The following ZBTB7C variants were observed in gnomAD, a reference collection of about 807,000 sequenced individuals.
The protein encoded by ZBTB7C is zinc finger and BTB domain-containing protein 7C.
In ZBTB7C, 8 loss-of-function variants were observed where a neutral mutation model predicts 25.7. The observed-to-expected ratio is 0.31, with a 90% CI of 0.18 to 0.56. ZBTB7C has a LOEUF of 0.56. Ranked by LOEUF, ZBTB7C falls within the 20% of genes least tolerant of loss-of-function variation. ZBTB7C has a pLI of 0.91. For missense variants in ZBTB7C, 824 were observed against 855.2 expected, an observed-to-expected ratio of 0.96 and a Z score of 0.46; for synonymous variants, 394 against 369.0, an observed-to-expected ratio of 1.07 and a Z score of -0.78.
chr18:48,357,841 C>A (rs1020813463), intron 1 of ZBTB7C, among the ~76,000 whole-genome samples: 1 of 152,194 alleles, frequency 6.6e-6, no homozygotes, highest in African/African-American at 2.4e-5. Flanking sequence ...CCTAAACTAA[C>A]GGCACAGAGT....
intron 2 of ZBTB7C, among the ~76,000 whole-genome samples, chr18:48,218,787 C>T (rs74971322): frequency 9.6e-4 from 147 of 152,344 alleles, no homozygotes; most frequent in African/African-American, 3.4e-3. Context: ...TACCCACCTA[C>T]AGGCCTGCCC....
intron 1 of ZBTB7C, among the ~76,000 whole-genome samples, chr18:48,361,968 C>G (rs2047117674): frequency 6.6e-6 from 1 of 152,208 alleles, no homozygotes; most frequent in African/African-American, 2.4e-5. Context: ...CCAGCGTTAC[C>G]TGCCAGGGAG....
intron 3 of ZBTB7C, among the ~76,000 whole-genome samples, chr18:48,088,636 T>G (rs1379153252): frequency 6.7e-6 from 1 of 149,660 alleles, no homozygotes; most frequent in Admixed American, 6.7e-5. Flanking sequence ...AAGACCAGCC[T>G]GGCCAACATG....
chr18:48,195,561 T>C (rs1329001560), intron 2 of ZBTB7C, among the ~76,000 whole-genome samples: 1 of 152,212 alleles, frequency 6.6e-6, no homozygotes, highest in Non-Finnish European at 1.5e-5. Context: ...TCTTTTTCTT[T>C]ATAAAATTAT....
At chr18:48,390,870 G>T (rs541452072) in intron 1 of ZBTB7C, among the ~76,000 whole-genome samples, 2 of 152,288 alleles carry the variant, frequency 1.3e-5, no homozygotes, top group South Asian at 4.1e-4. Context: ...CTGCCTGAGG[G>T]CTTTGCAATT....
chr18:48,098,114 T>G (rs1021256857), intron 3 of ZBTB7C, among the ~76,000 whole-genome samples: 2 of 152,252 alleles, frequency 1.3e-5, no homozygotes, highest in African/African-American at 2.4e-5. Flanking sequence ...ACATTTGTGA[T>G]GGGTGAGAGT....
chr18:48,200,840 C>T (rs540829736), intron 2 of ZBTB7C, among the ~76,000 whole-genome samples: 2 of 152,340 alleles, frequency 1.3e-5, no homozygotes, highest in African/African-American at 4.8e-5. Context: ...TATGGGGAAG[C>T]TGACACTTGG....
chr18:48,298,957 T>C (rs1275411254), intron 2 of ZBTB7C, among the ~76,000 whole-genome samples: 1 of 152,234 alleles, frequency 6.6e-6, no homozygotes, highest in Admixed American at 6.5e-5. Context: ...AGTGGTCAGC[T>C]GCACAGAAGC....
intron 3 of ZBTB7C, among the ~76,000 whole-genome samples, chr18:48,175,852 A>G (rs1212208430): frequency 6.6e-6 from 1 of 152,240 alleles, no homozygotes; most frequent in Non-Finnish European, 1.5e-5. Context: ...TGCAGATAAT[A>G]AATAAAAACA....
chr18:48,227,569 T>C (rs2043137530), intron 2 of ZBTB7C, among the ~76,000 whole-genome samples: 1 of 152,206 alleles, frequency 6.6e-6, no homozygotes, highest in Non-Finnish European at 1.5e-5. Flanking sequence ...ACCCCAAAAG[T>C]GTCAACGATT....
chr18:48,171,333 C>T (rs952077058), intron 3 of ZBTB7C, among the ~76,000 whole-genome samples: 1 of 152,252 alleles, frequency 6.6e-6, no homozygotes, highest in African/African-American at 2.4e-5. Context: ...AATGGGCATG[C>T]CACACTGGGC....
At chr18:48,139,253 A>C (rs1293778260) in intron 3 of ZBTB7C, among the ~76,000 whole-genome samples, 1 of 152,098 alleles carries the variant, frequency 6.6e-6, no homozygotes, top group Non-Finnish European at 1.5e-5. Context: ...AGTAGTTAAG[A>C]AAACAGGAGG....
intron 3 of ZBTB7C, among the ~76,000 whole-genome samples, chr18:48,152,438 G>T (rs867209601): frequency 3.3e-5 from 5 of 152,146 alleles, no homozygotes; most frequent in Non-Finnish European, 1.5e-5. Context: ...ATAATCATAG[G>T]TGGCATTTCT....
intron 2 of ZBTB7C, among the ~76,000 whole-genome samples, chr18:48,279,164 C>A (rs753716598): frequency 6.6e-6 from 1 of 152,110 alleles, no homozygotes; most frequent in African/African-American, 2.4e-5. Context: ...GGCACCCCCA[C>A]TCCTCAGAAC....
chr18:48,199,961 C>T (rs1262002299), intron 2 of ZBTB7C, among the ~76,000 whole-genome samples: 1 of 151,392 alleles, frequency 6.6e-6, no homozygotes, highest in African/African-American at 2.4e-5. Context: ...TAGCACTTCT[C>T]TACTTCGGGT....
At chr18:48,098,422 C>A (rs183958396) in intron 3 of ZBTB7C, among the ~76,000 whole-genome samples, 10 of 152,234 alleles carry the variant, frequency 6.6e-5, no homozygotes, top group Non-Finnish European at 1.3e-4. Context: ...AAAAGTTGGC[C>A]GTGGCTAGAG....
intron 3 of ZBTB7C, among the ~76,000 whole-genome samples, chr18:48,110,964 T>C (rs2039218030): frequency 6.6e-6 from 1 of 152,148 alleles, no homozygotes; most frequent in Non-Finnish European, 1.5e-5. Flanking sequence ...GAGTAGGTCA[T>C]GTGGAAGTTC....
intron 2 of ZBTB7C, among the ~76,000 whole-genome samples, chr18:48,331,301 G>A (rs983979766): frequency 2.6e-5 from 4 of 152,020 alleles, no homozygotes; most frequent in Admixed American, 1.3e-4. Context: ...CTTATCCTTC[G>A]ATCTTGGGCT....
At chr18:48,333,904 T>C (rs871082) in intron 2 of ZBTB7C, among the ~76,000 whole-genome samples, 20,776 of 152,180 alleles carry the variant, frequency 0.14, 1,666 homozygotes, top group Non-Finnish European at 0.2. Flanking sequence ...CCAGAGAATT[T>C]CCATTTATCC....
Sources: gnomAD v4.1 joint callset for allele counts (sites outside exome capture counted in the v4.1 genomes callset) on GRCh38, gnomAD v4.1.1 for gene constraint, MANE v1.5 for transcripts, NCBI Gene and HGNC (gene_info 2026-07-23, HGNC 2026-07-21) for gene names.